The following SH3BGRL2 variants were observed in gnomAD, a reference collection of about 807,000 sequenced individuals.
SH3BGRL2 encodes the protein SH3 domain binding glutamate rich protein like 2, also known as SH3 domain-binding glutamic acid-rich-like protein 2.
SH3BGRL2 carries 21 observed loss-of-function variants against 14.8 expected under a neutral mutation model. The ratio of observed to expected loss-of-function variants is 1.42; its 90% CI spans 1.01 to 2.05. SH3BGRL2 has a LOEUF of 2.05. SH3BGRL2 is among the 30% of genes most tolerant of loss of function. The pLI is 0.00. For missense variants in SH3BGRL2, 147 were observed against 130.8 expected (o/e 1.12, Z -0.61); for synonymous variants, 50 against 47.8 (o/e 1.05, Z -0.19).
At chr6:79,614,681 CT>C in the SH3BGRL2 span, among the ~76,000 whole-genome samples, 16 of 152,290 alleles carry the variant, frequency 1.1e-4, no homozygotes, top group East Asian at 1.9e-4. Flanking sequence ...GCCCTCACCC[CT>C]AATTGCTAGT....
the SH3BGRL2 span, among the ~76,000 whole-genome samples, chr6:79,572,005 A>G: frequency 2.0e-5 from 3 of 152,176 alleles, no homozygotes; most frequent in Admixed American, 2.0e-4. Flanking sequence ...TCTAATTTTA[A>G]TATCCTACAC....
the SH3BGRL2 span, among the ~76,000 whole-genome samples, chr6:79,553,993 G>A: frequency 6.6e-6 from 1 of 151,306 alleles, no homozygotes; most frequent in African/African-American, 2.4e-5. Context: ...AAAGAAAAGA[G>A]AAAGAAAATT....
the SH3BGRL2 span, among the ~76,000 whole-genome samples, chr6:79,542,891 GA>G: frequency 2.6e-5 from 4 of 152,036 alleles, no homozygotes; most frequent in African/African-American, 4.8e-5. Context: ...AACAGCAAAA[GA>G]AAAAAATCCT....
chr6:79,596,891 T>TA, the SH3BGRL2 span, among the ~76,000 whole-genome samples: 3 of 152,130 alleles, frequency 2.0e-5, no homozygotes, highest in African/African-American at 7.2e-5. Context: ...TTACAAAACT[T>TA]ACTACAATGC....
the SH3BGRL2 span, among the ~76,000 whole-genome samples, chr6:79,552,600 A>T: frequency 1.9e-4 from 29 of 152,174 alleles, no homozygotes; most frequent in Non-Finnish European, 3.5e-4. Context: ...TGTCCTGGCC[A>T]GGAACTCAGT....
chr6:79,600,762 A>G, the SH3BGRL2 span, among the ~76,000 whole-genome samples: 11 of 152,272 alleles, frequency 7.2e-5, no homozygotes, highest in East Asian at 1.9e-3. Flanking sequence ...ATCTTCCTTA[A>G]TGCTGAGAAA....
chr6:79,645,423 C>T (rs1769121042), intron 1 of SH3BGRL2, among the ~76,000 whole-genome samples: 3 of 152,176 alleles, frequency 2.0e-5, no homozygotes, highest in African/African-American at 7.2e-5. Context: ...GCACCTCACT[C>T]CATTGTGGTA....
chr6:79,653,891 G>A (rs1013344062), intron 1 of SH3BGRL2, among the ~76,000 whole-genome samples: 3 of 152,148 alleles, frequency 2.0e-5, no homozygotes, highest in African/African-American at 7.2e-5. Context: ...TCACTTGGTG[G>A]TGGTCTCAAG....
At chr6:79,577,162 G>T in the SH3BGRL2 span, among the ~76,000 whole-genome samples, 1 of 152,228 alleles carries the variant, frequency 6.6e-6, no homozygotes, top group East Asian at 1.9e-4. Flanking sequence ...CCACTGAATT[G>T]CCCTGGAATT....
chr6:79,548,445 A>T, the SH3BGRL2 span, among the ~76,000 whole-genome samples: 22 of 152,304 alleles, frequency 1.4e-4, no homozygotes, highest in African/African-American at 5.3e-4. Flanking sequence ...AGTAGAAAAC[A>T]GTTTGAGGTA....
chr6:79,540,211 G>C, the SH3BGRL2 span, among the ~76,000 whole-genome samples: 1 of 152,036 alleles, frequency 6.6e-6, no homozygotes, highest in Non-Finnish European at 1.5e-5. Flanking sequence ...AAGGTGGGTG[G>C]ATCACGAGGT....
the SH3BGRL2 span, among the ~76,000 whole-genome samples, chr6:79,550,575 T>A: frequency 1.3e-5 from 2 of 152,198 alleles, no homozygotes; most frequent in South Asian, 4.1e-4. Context: ...CAATCATGTC[T>A]GCCACCAACT....
intron 1 of SH3BGRL2, among the ~76,000 whole-genome samples, chr6:79,672,713 T>C (rs1276193362): frequency 1.3e-5 from 2 of 152,170 alleles, no homozygotes; most frequent in East Asian, 3.8e-4. Flanking sequence ...GGAGAGACTA[T>C]TGTGTTTTCA....
At chr6:79,648,027 C>T (rs1053457300) in intron 1 of SH3BGRL2, among the ~76,000 whole-genome samples, 5 of 151,536 alleles carry the variant, frequency 3.3e-5, no homozygotes, top group South Asian at 4.2e-4. Context: ...AGATAATTAA[C>T]ACAAATGAAA....
At chr6:79,556,272 G>C in the SH3BGRL2 span, among the ~76,000 whole-genome samples, 2 of 152,152 alleles carry the variant, frequency 1.3e-5, no homozygotes, top group South Asian at 4.1e-4. Context: ...GAGGAAAACA[G>C]ATACACTACA....
chr6:79,612,093 C>T, the SH3BGRL2 span, among the ~76,000 whole-genome samples: 4 of 152,014 alleles, frequency 2.6e-5, no homozygotes, highest in Non-Finnish European at 4.4e-5. Flanking sequence ...GTCAGGAGTT[C>T]GAGACCAGCC....
chr6:79,586,466 T>C, the SH3BGRL2 span, among the ~76,000 whole-genome samples: 24 of 152,232 alleles, frequency 1.6e-4, no homozygotes, highest in Admixed American at 5.2e-4. Flanking sequence ...TCATAAATCA[T>C]TTATACTTTT....
At chr6:79,678,262 G>A (rs894118924) in intron 2 of SH3BGRL2, among the ~76,000 whole-genome samples, 2 of 151,836 alleles carry the variant, frequency 1.3e-5, no homozygotes, top group African/African-American at 4.8e-5. Flanking sequence ...TCATCTTGCA[G>A]ATCTGAAACT....
chr6:79,638,590 T>A (rs1197056968), intron 1 of SH3BGRL2, among the ~76,000 whole-genome samples: 1 of 152,176 alleles, frequency 6.6e-6, no homozygotes, highest in Non-Finnish European at 1.5e-5. Context: ...GTCCTCTTTC[T>A]CTGCATCCTC....
Sources: gnomAD v4.1 joint callset for allele counts (sites outside exome capture counted in the v4.1 genomes callset) on GRCh38, gnomAD v4.1.1 for gene constraint, MANE v1.5 for transcripts, NCBI Gene and HGNC (gene_info 2026-07-23, HGNC 2026-07-21) for gene names.